The following LRRIQ1 variants were observed in gnomAD, a reference collection of about 807,000 sequenced individuals.
LRRIQ1 encodes leucine-rich repeat- and IQ domain-containing protein 1.
A neutral mutation model predicts 211.9 loss-of-function variants in LRRIQ1; 210 were observed. That is an observed-to-expected ratio of 0.99 (90% CI 0.89 to 1.11). LRRIQ1 has a LOEUF of 1.11. Among genes scored for constraint, LRRIQ1 ranks in the 50% most tolerant of loss-of-function variants. The pLI is 0.00. For missense variants in LRRIQ1, 2,136 were observed against 1,939.5 expected, an observed-to-expected ratio of 1.10 and a Z score of -1.90; for synonymous variants, 699 against 650.1, an observed-to-expected ratio of 1.08 and a Z score of -1.14.
chr12:85,235,977 T>C (rs1271371603), intron 26 of LRRIQ1, among the ~76,000 whole-genome samples: 1 of 152,102 alleles, frequency 6.6e-6, no homozygotes, highest in Non-Finnish European at 1.5e-5. Flanking sequence ...AATGGATGAA[T>C]AGACCAATAG....
At chr12:85,272,000 T>C in the LRRIQ1 span, among the ~76,000 whole-genome samples, 4 of 152,156 alleles carry the variant, frequency 2.6e-5, no homozygotes, top group Non-Finnish European at 4.4e-5. Context: ...TGAAGAAATT[T>C]TTTAAAGTGA....
At chr12:85,191,751 T>G (rs1892521609) in intron 24 of LRRIQ1, among the ~76,000 whole-genome samples, 1 of 152,024 alleles carries the variant, frequency 6.6e-6, no homozygotes, top group South Asian at 2.1e-4. Context: ...TGTACCATTT[T>G]CATTTTCACC....
At chr12:85,192,472 TA>T (rs983601328) in intron 24 of LRRIQ1, among the ~76,000 whole-genome samples, 3 of 121,674 alleles carry the variant, frequency 2.5e-5, no homozygotes, top group African/African-American at 9.4e-5. Context: ...TAATTATATA[TA>T]AATATATATA....
Position 85,160,733 on chromosome 12 carries a change from T to C in LRRIQ1, c.4822+19T>C. ...TTTGAAGGTATGGCTTAATAACAGA[T>C]ACATAGAGAGGTAAAAAGATAAAGA... is the stretch of plus-strand genomic sequence containing the variant. On this transcript the variant is annotated intron_variant, in intron 24 of 26. Transcript: ENST00000393217. 1 of 1,317,894 alleles carries C rather than the reference T, an allele frequency of 7.6e-7. No individual in the cohort carries two copies. Among genetic ancestry groups the C allele is most frequent in the Non-Finnish European group, 1.1e-6 (1 of 944,046 alleles). The allele number at this position is 1,317,894 out of a possible 1,614,324, so 81.6% of individuals were successfully genotyped here.
At position 85,229,665 on chromosome 12, in the gene LRRIQ1, C is replaced by G. The variant is rs755204571; in HGVS notation, c.4955+16C>G. On this transcript the variant is annotated intron_variant, in intron 25 of 26. Transcript: ENST00000393217. Reference sequence around the variant, plus strand: ...ATATGAAATGGTGAGGTCATTTCCTCTAAATTAGATTTTTGTATTGTAAAC... The same window carrying G: ...ATATGAAATGGTGAGGTCATTTCCTGTAAATTAGATTTTTGTATTGTAAAC... 2 of 1,601,638 alleles carry G rather than the reference C, an allele frequency of 1.2e-6. No homozygotes were observed. The highest frequency in any genetic ancestry group is 2.7e-5 in the African/African-American group (2 of 73,946).
intron 26 of LRRIQ1, among the ~76,000 whole-genome samples, chr12:85,235,450 T>C (rs1895132299): frequency 6.6e-6 from 1 of 152,152 alleles, no homozygotes; most frequent in African/African-American, 2.4e-5. Context: ...TGACCTTCAA[T>C]AGAGATGCAT....
intron 4 of LRRIQ1, among the ~76,000 whole-genome samples, chr12:85,045,471 C>T (rs1879429541): frequency 6.6e-6 from 1 of 151,636 alleles, no homozygotes; most frequent in Admixed American, 6.6e-5. Context: ...TTTTGTAATA[C>T]TCAAATTTGA....
Position 85,071,100 on chromosome 12 carries a change from A to T in LRRIQ1, c.2696-1807A>T, listed in dbSNP as rs1283371520. Among the ~76,000 whole-genome samples, 3 of 152,028 alleles carry T rather than the reference A, an allele frequency of 2.0e-5. No individual in the cohort carries two copies. The East Asian group carries it at 5.8e-4, about 30-fold the overall frequency. On this transcript the variant is annotated intron_variant, in intron 10 of 26. Coordinates refer to ENST00000393217, the MANE Select transcript of LRRIQ1 (RefSeq NM_001079910.2). The stretch of plus-strand genomic sequence containing the variant: ...TGTAACACAGATTCATGATTCCAAG[A>T]TGAAAACTACATTAAAAAAGCATAC...
chr12:85,167,470 T>A (rs1891207665), intron 24 of LRRIQ1, among the ~76,000 whole-genome samples: 1 of 150,912 alleles, frequency 6.6e-6, no homozygotes, highest in South Asian at 2.1e-4. Flanking sequence ...TCTTGCAAAC[T>A]GCTGGTGTAA....
At chr12:85,242,162 GATT>G (rs1310923519) in intron 26 of LRRIQ1, among the ~76,000 whole-genome samples, 3 of 151,894 alleles carry the variant, frequency 2.0e-5, no homozygotes, top group African/African-American at 7.2e-5. Context: ...ATTAACTTGA[GATT>G]ATTATATTAT....
chr12:85,188,682 T>C (rs1200790110), intron 24 of LRRIQ1, among the ~76,000 whole-genome samples: 1 of 152,142 alleles, frequency 6.6e-6, no homozygotes, highest in Admixed American at 6.6e-5. Flanking sequence ...CAACTGTGGC[T>C]GTCTTAGTGC....
intron 15 of LRRIQ1, among the ~76,000 whole-genome samples, chr12:85,118,224 A>C (rs560844299): frequency 6.6e-6 from 1 of 152,280 alleles, no homozygotes; most frequent in South Asian, 2.1e-4. Context: ...ATGATTTGGT[A>C]AACATTGGTA....
rs768626206 is a variant in LRRIQ1 at position 85,053,889 on chromosome 12, A to G, written c.753+1638A>G. ...CGCCCAGCTAATTTTTTGTATTGTT[A>G]GTAGACACAAGGTTTCACCGTGTTA... is the stretch of plus-strand genomic sequence containing the variant. On this transcript the variant is annotated intron_variant, in intron 7 of 26. Transcript: ENST00000393217. Among the ~76,000 whole-genome samples, 49 of 152,122 alleles carry G rather than the reference A, an allele frequency of 3.2e-4. 1 individual carries two copies. Among genetic ancestry groups the G allele is most frequent in the Admixed American group, 6.5e-5 (1 of 15,278 alleles).
intron 24 of LRRIQ1, among the ~76,000 whole-genome samples, chr12:85,203,865 C>T (rs769428842): frequency 1.3e-5 from 2 of 152,034 alleles, no homozygotes; most frequent in Admixed American, 6.6e-5. Context: ...TCCCATTTTC[C>T]GAGGAGAAGG....
chr12:85,093,266 C>T (rs1018305122), intron 11 of LRRIQ1, among the ~76,000 whole-genome samples: 3 of 152,138 alleles, frequency 2.0e-5, no homozygotes, highest in Non-Finnish European at 4.4e-5. Context: ...GCTACCATGA[C>T]TGGACAGCTT....
chr12:85,096,530 G>A (rs554628016), intron 11 of LRRIQ1, among the ~76,000 whole-genome samples: 1 of 152,114 alleles, frequency 6.6e-6, no homozygotes, highest in Non-Finnish European at 1.5e-5. Flanking sequence ...AGTATGATTG[G>A]TATGATTTCT....
intron 8 of LRRIQ1, among the ~76,000 whole-genome samples, chr12:85,057,990 T>A (rs1881324078): frequency 6.6e-6 from 1 of 152,004 alleles, no homozygotes; most frequent in Admixed American, 6.6e-5. Context: ...AGATAAACAT[T>A]ATTTTGTTTA....
At chr12:85,166,796 A>T (rs906151032) in intron 24 of LRRIQ1, among the ~76,000 whole-genome samples, 1 of 152,240 alleles carries the variant, frequency 6.6e-6, no homozygotes, top group African/African-American at 2.4e-5. Context: ...TTCAATAATT[A>T]GTCAAAATTA....
chr12:85,120,557 C>T (rs866105979), intron 15 of LRRIQ1, among the ~76,000 whole-genome samples: 2 of 152,150 alleles, frequency 1.3e-5, no homozygotes, highest in African/African-American at 4.8e-5. Flanking sequence ...TTGTTGATAT[C>T]CACAAAATAC....
Sources: gnomAD v4.1 joint callset for allele counts (sites outside exome capture counted in the v4.1 genomes callset) on GRCh38, gnomAD v4.1.1 for gene constraint, MANE v1.5 for transcripts, NCBI Gene and HGNC (gene_info 2026-07-23, HGNC 2026-07-21) for gene names.